CACNB2: variants seen among roughly 807,000 people sequenced by gnomAD.
CACNB2 encodes calcium voltage-gated channel auxiliary subunit beta 2, also known as voltage-dependent L-type calcium channel subunit beta-2.
In CACNB2, 42 loss-of-function variants were observed where a neutral mutation model predicts 73.3. The ratio of observed to expected loss-of-function variants is 0.57; its 90% confidence interval spans 0.45 to 0.74. The LOEUF (loss-of-function observed/expected upper bound fraction) is 0.74, where lower values mean the gene tolerates loss of function less well. CACNB2 is among the 30% of genes least tolerant of loss of function. The pLI is 0.00. For synonymous variants in CACNB2, 348 were observed against 310.3 expected, an observed-to-expected ratio of 1.12 and a Z score of -1.28; for missense variants, 940 against 853.0, an observed-to-expected ratio of 1.10 and a Z score of -1.27.
At chr10:18,489,094 A>G (rs941440330) in intron 3 of CACNB2, among the ~76,000 whole-genome samples, 5 of 152,110 alleles carry the variant, frequency 3.3e-5, no homozygotes, top group African/African-American at 9.7e-5. Flanking sequence ...TGGGCGGATC[A>G]TGATATCAGG....
Position 18,504,360 on chromosome 10 carries a change from G to T in CACNB2, c.594-2111G>T, listed in dbSNP as rs188688734. 1.2e-4 allele frequency among the ~76,000 whole-genome samples: 19 copies of T among 152,274 alleles called. No individual in the cohort carries two copies. The East Asian group carries it at 3.7e-3, about 29-fold the overall frequency. ...CAGATTAAGGAGCCAGGTCTTGCCT[G>T]GCACAGCAAGCCCAGGACAGATGGT... On this transcript the variant is annotated intron_variant, in intron 5 of 13. Coordinates refer to ENST00000324631, the MANE Select transcript of CACNB2 (RefSeq NM_201596.3).
At position 18,322,164 on chromosome 10, in the gene CACNB2, A is replaced by G. The variant is rs138155089; in HGVS notation, c.214-79760A>G. On this transcript the variant is annotated intron_variant, in intron 2 of 13. Coordinates refer to ENST00000324631, the MANE Select transcript of CACNB2 (RefSeq NM_201596.3). ...GAGCAAGACCCTGTCCCCACAAAAGAGAGAAACCTTTCTAGGATGTTAAAA... is the reference window on the plus strand; with the variant it reads ...GAGCAAGACCCTGTCCCCACAAAAGGGAGAAACCTTTCTAGGATGTTAAAA... 2.9e-3 allele frequency among the ~76,000 whole-genome samples: 441 copies of G among 152,216 alleles called. 8 individuals carry two copies. Among genetic ancestry groups the G allele is most frequent in the East Asian group, 4.5e-3 (23 of 5,160 alleles).
intron 2 of CACNB2, among the ~76,000 whole-genome samples, chr10:18,333,657 T>C (rs1564444582): frequency 6.6e-6 from 1 of 152,244 alleles, no homozygotes; most frequent in African/African-American, 2.4e-5. Context: ...TTTGCTGTTA[T>C]GATTCACTGT....
At chr10:18,472,364 G>A (rs1249152206) in intron 3 of CACNB2, among the ~76,000 whole-genome samples, 1 of 151,300 alleles carries the variant, frequency 6.6e-6, no homozygotes, top group Non-Finnish European at 1.5e-5. Flanking sequence ...AGCCTCTCGA[G>A]TAGCTGGGAC....
intron 2 of CACNB2, among the ~76,000 whole-genome samples, chr10:18,380,307 T>C (rs2042961351): frequency 6.6e-6 from 1 of 152,136 alleles, no homozygotes; most frequent in Non-Finnish European, 1.5e-5. Context: ...AAAGGTCTTA[T>C]TGGTTGAAAA....
At chr10:18,309,106 G>A (rs1354733682) in intron 2 of CACNB2, among the ~76,000 whole-genome samples, 12 of 152,092 alleles carry the variant, frequency 7.9e-5, no homozygotes, top group Admixed American at 7.9e-4. Flanking sequence ...TGAAGTAAAA[G>A]TGAAGCTGTC....
intron 3 of CACNB2, among the ~76,000 whole-genome samples, chr10:18,455,268 C>T (rs2047222318): frequency 6.6e-6 from 1 of 152,138 alleles, no homozygotes; most frequent in South Asian, 2.1e-4. Flanking sequence ...TCCAAGAGTG[C>T]TTGGTGATAG....
At chr10:18,236,911 G>A (rs1170303234) in intron 2 of CACNB2, among the ~76,000 whole-genome samples, 1 of 152,178 alleles carries the variant, frequency 6.6e-6, no homozygotes, top group African/African-American at 2.4e-5. Context: ...TAGGGAATAT[G>A]CTAGGAAGCT....
At chr10:18,460,485 T>C (rs1476975351) in intron 3 of CACNB2, among the ~76,000 whole-genome samples, 1 of 152,174 alleles carries the variant, frequency 6.6e-6, no homozygotes, top group African/African-American at 2.4e-5. Context: ...TTTTTTCCTG[T>C]GGGAGTTCTG....
intron 3 of CACNB2, among the ~76,000 whole-genome samples, chr10:18,454,649 G>C (rs1490452725): frequency 6.6e-6 from 1 of 152,194 alleles, no homozygotes; most frequent in Admixed American, 6.5e-5. Context: ...CACAGTACTT[G>C]CACTTTAAAT....
At chr10:18,315,525 A>AAAAACATTTTTTTTTTTTTTAATTAGCC (rs2040144943) in intron 2 of CACNB2, among the ~76,000 whole-genome samples, 1 of 133,454 alleles carries the variant, frequency 7.5e-6, no homozygotes, top group Non-Finnish European at 1.6e-5. Flanking sequence ...AAAAAAAAAA[A>AAAAACATTTTTTTTTTTTTTAATTAGCC]AAACTTTTTT....
At chr10:18,225,455 G>T (rs1273620103) in intron 2 of CACNB2, among the ~76,000 whole-genome samples, 1 of 152,166 alleles carries the variant, frequency 6.6e-6, no homozygotes, top group Non-Finnish European at 1.5e-5. Flanking sequence ...GTCCAGGACT[G>T]AACCAGGATT....
At chr10:18,336,609 A>C (rs2041017314) in intron 2 of CACNB2, among the ~76,000 whole-genome samples, 1 of 144,776 alleles carries the variant, frequency 6.9e-6, no homozygotes, top group South Asian at 2.2e-4. Flanking sequence ...ACAGAGAGAG[A>C]GACTCCATCT....
intron 2 of CACNB2, among the ~76,000 whole-genome samples, chr10:18,242,894 C>G (rs1245642788): frequency 2.7e-5 from 4 of 150,428 alleles, no homozygotes; most frequent in Non-Finnish European, 5.9e-5. Context: ...CCTGTAGTCC[C>G]AGCTATTCGG....
At chr10:18,503,501 T>C (rs1589573646) in intron 5 of CACNB2, among the ~76,000 whole-genome samples, 1 of 152,208 alleles carries the variant, frequency 6.6e-6, no homozygotes, top group Middle Eastern at 3.4e-3. Flanking sequence ...GAGCCTGAGG[T>C]ATGAGAATCA....
At chr10:18,420,532 T>A (rs978196233) in intron 3 of CACNB2, among the ~76,000 whole-genome samples, 1 of 152,000 alleles carries the variant, frequency 6.6e-6, no homozygotes, top group African/African-American at 2.4e-5. Context: ...GAAAGAAAAA[T>A]GAGTGAATTC....
At chr10:18,487,093 G>T (rs2049103935) in intron 3 of CACNB2, among the ~76,000 whole-genome samples, 1 of 152,136 alleles carries the variant, frequency 6.6e-6, no homozygotes, top group Non-Finnish European at 1.5e-5. Flanking sequence ...TTCGGACCAG[G>T]TGTGACATTT....
chr10:18,164,811 T>A (rs2032732232), intron 2 of CACNB2, among the ~76,000 whole-genome samples: 1 of 152,102 alleles, frequency 6.6e-6, no homozygotes, highest in Non-Finnish European at 1.5e-5. Context: ...CTCTGACCGT[T>A]TTGTGTGCGT....
At chr10:18,299,722 A>G (rs903840231) in intron 2 of CACNB2, among the ~76,000 whole-genome samples, 1 of 152,170 alleles carries the variant, frequency 6.6e-6, no homozygotes, top group African/African-American at 2.4e-5. Context: ...AAAAATAAAA[A>G]TAAAAAAAAA....
Sources: gnomAD v4.1 joint callset for allele counts (sites outside exome capture counted in the v4.1 genomes callset) on GRCh38, gnomAD v4.1.1 for gene constraint, MANE v1.5 for transcripts, NCBI Gene and HGNC (gene_info 2026-07-23, HGNC 2026-07-21) for gene names.